Variants in SLC15A4 observed in about 807,000 individuals in gnomAD.
SLC15A4 encodes solute carrier family 15 member 4.
SLC15A4 carries 26 observed loss-of-function variants against 46.1 expected under a neutral mutation model. The observed-to-expected ratio is 0.56, with a 90% CI of 0.41 to 0.78. The LOEUF is 0.78. Among genes scored for constraint, SLC15A4 ranks in the 30% least tolerant of loss-of-function variants. The pLI is 0.00. For missense variants in SLC15A4, 751 were observed against 755.7 expected, an observed-to-expected ratio of 0.99 and a Z score of 0.07; for synonymous variants, 370 against 333.4, an observed-to-expected ratio of 1.11 and a Z score of -1.20.
intron 5 of SLC15A4, chr12:128,801,618 C>T (rs1332777388): frequency 6.6e-6 from 1 of 152,220 alleles, no homozygotes; most frequent in African/African-American, 2.4e-5. Context: ...TACTGGTCAC[C>T]TATCAAGTGT....
Position 128,799,250 on chromosome 12 carries a change from G to A in SLC15A4, c.1573+9C>T, listed in dbSNP as rs1263944132. The A allele has an allele frequency of 6.2e-7, 1 of 1,613,936 alleles. No individual in the cohort carries two copies. Among genetic ancestry groups the A allele is most frequent in the Non-Finnish European group, 8.5e-7 (1 of 1,179,982 alleles). ...CTATTTTCAAAAGGGACAGGATGCT[G>A]GCTCTTACCAAAGTCTGTGTGACTG... On this transcript the variant is annotated intron_variant, in intron 7 of 7. Transcript: ENST00000266771.
At chr12:128,811,621 C>A (rs541782336) in intron 2 of SLC15A4, among the ~76,000 whole-genome samples, 1 of 152,242 alleles carries the variant, frequency 6.6e-6, no homozygotes, top group African/African-American at 2.4e-5. Flanking sequence ...TACTTTCACT[C>A]GAAAACATTA....
Position 128,823,938 on chromosome 12 carries a change from C to T in SLC15A4, c.6G>A (p.Glu2=), listed in dbSNP as rs1955899177. 4 of 564,134 alleles carry T rather than the reference C, an allele frequency of 7.1e-6. No homozygotes were observed. The highest frequency in any genetic ancestry group is 8.9e-6 in the Non-Finnish European group (4 of 446,930). 34.9% of individuals were successfully genotyped at this position (564,134 alleles called of 1,614,324 possible). The change falls in exon 1 of 8, where the codon GAG becomes GAA. Residue 2 remains glutamate (E), a synonymous_variant. Transcript: ENST00000266771. The part of the protein sequence containing the change: M[E]GSGGGAGERA... ...GCTCGCCCGCACCGCCCCCAGAGCC[C>T]TCCATGCGACGCCGCCAGCTGCCTC...
intron 7 of SLC15A4, among the ~76,000 whole-genome samples, chr12:128,794,820 C>G (rs1955426708): frequency 6.6e-6 from 1 of 152,224 alleles, no homozygotes; most frequent in Non-Finnish European, 1.5e-5. Context: ...CCTCCTGTGA[C>G]TGCTAATCCC....
intron 1 of SLC15A4, among the ~76,000 whole-genome samples, chr12:128,822,885 G>A (rs1955868898): frequency 6.6e-6 from 1 of 151,736 alleles, no homozygotes; most frequent in Non-Finnish European, 1.5e-5. Flanking sequence ...GTCTCACTCT[G>A]TTACCCAAGC....
Position 128,800,936 on chromosome 12 carries a change from G to A in SLC15A4, c.1332C>T (p.Tyr444=). ...TINQTIGNVV[Y]HAADLSLWWQ... ...ACCACAGCGACAGATCGGCAGCATG[G>A]TAGACGACGTTGCCGATGGTCTGAT... The change falls in exon 6 of 8, where the codon TAC becomes TAT. Residue 444 remains tyrosine (Y), a synonymous_variant. Coordinates refer to ENST00000266771, the MANE Select transcript of SLC15A4 (RefSeq NM_145648.4). The A allele has an allele frequency of 1.9e-6, 3 of 1,614,168 alleles. No individual in the cohort carries two copies. The highest frequency in any genetic ancestry group is 1.1e-5 in the South Asian group (1 of 91,076).
At chr12:128,803,064 C>A (rs11059916) in intron 5 of SLC15A4, among the ~76,000 whole-genome samples, 81,228 of 151,930 alleles carry the variant, frequency 0.53, 22,412 homozygotes, top group Non-Finnish European at 0.62. Context: ...ACATGGCAAG[C>A]GGGCACCCAG....
At chr12:128,795,964 C>A (rs1162400190) in intron 7 of SLC15A4, among the ~76,000 whole-genome samples, 1 of 152,172 alleles carries the variant, frequency 6.6e-6, no homozygotes, top group Non-Finnish European at 1.5e-5. Flanking sequence ...TCAAGTTGCT[C>A]CATTTTCTGC....
In SLC15A4 at chr12:128,823,286, CG is replaced by C. The variant is rs1208485435; in HGVS notation, c.546+111del. On this transcript the variant is annotated intron_variant, in intron 1 of 7. Transcript: ENST00000266771. ...TCCTCGGCACTAGACAGAAGCCCCCCGGGGCAAGGGGCTCCCTCCGCGGTCA... is the reference window on the plus strand; with the variant it reads ...TCCTCGGCACTAGACAGAAGCCCCCCGGGCAAGGGGCTCCCTCCGCGGTCA... 4 of 1,076,508 alleles carry C rather than the reference CG, an allele frequency of 3.7e-6. No homozygotes were observed. In the East Asian group the frequency reaches 9.7e-5, roughly 26 times the overall value. The allele number at this position is 1,076,508 out of a possible 1,614,324, so 66.7% of individuals were successfully genotyped here. A position where few individuals can be genotyped will look rare whatever the true frequency, so the allele number is the denominator to read the frequency against.
rs770518556 is a variant in SLC15A4, at chr12:128,800,836, G to A, written c.1414+18C>T. The A allele has an allele frequency of 1.9e-5, 31 of 1,598,090 alleles. No individual in the cohort carries two copies. Among genetic ancestry groups the A allele is most frequent in the Non-Finnish European group, 2.4e-5 (28 of 1,172,078 alleles). On this transcript the variant is annotated intron_variant, in intron 6 of 7. Coordinates refer to ENST00000266771, the MANE Select transcript of SLC15A4 (RefSeq NM_145648.4). ...CTTGTGCCTGGACTCAGACACCTCC[G>A]GCACTAAAGGTCCTCACCTGCGATA... is the stretch of plus-strand genomic sequence containing the variant.
At chr12:128,819,032 C>G (rs973441917) in intron 1 of SLC15A4, among the ~76,000 whole-genome samples, 4 of 152,052 alleles carry the variant, frequency 2.6e-5, no homozygotes, top group Non-Finnish European at 4.4e-5. Context: ...AAAAAAATTC[C>G]AAATGTATAG....
Position 128,823,398 on chromosome 12 carries a change from CT to C in SLC15A4, c.545del (p.Gln182ArgfsTer29). On this transcript the variant is annotated frameshift_variant and splice_region_variant, in exon 1 of 8. Coordinates refer to ENST00000266771, the MANE Select transcript of SLC15A4 (RefSeq NM_145648.4). LOFTEE classifies it high-confidence loss of function. ...GACAGCGCGCGGGGGCGCGGCTCAC[CT>C]GGTCGGCGCCGAAGGGCGTGATGTT... ...KANITPFGAD[Q>X]VKDRGPEATR... is the part of the protein sequence containing the mutation. The C allele has an allele frequency of 7.0e-7, 1 of 1,426,476 alleles. No homozygotes were observed. The highest frequency in any genetic ancestry group is 9.1e-7 in the Non-Finnish European group (1 of 1,096,808). 88.4% of individuals were successfully genotyped at this position (1,426,476 alleles called of 1,614,324 possible).
intron 5 of SLC15A4, among the ~76,000 whole-genome samples, chr12:128,802,937 C>T (rs892328888): frequency 4.6e-5 from 7 of 152,264 alleles, no homozygotes; most frequent in South Asian, 2.1e-4. Context: ...CCCCCAGTCA[C>T]GAGCGAGGCG....
intron 7 of SLC15A4, among the ~76,000 whole-genome samples, chr12:128,795,054 A>G (rs1303563691): frequency 6.6e-6 from 1 of 152,124 alleles, no homozygotes; most frequent in Non-Finnish European, 1.5e-5. Flanking sequence ...GCGCCTGACT[A>G]TCTCTTTATC....
intron 7 of SLC15A4, among the ~76,000 whole-genome samples, 199 bp from the exon 8 acceptor site, chr12:128,794,555 G>A (rs553156876): frequency 2.6e-5 from 4 of 152,274 alleles, no homozygotes; most frequent in South Asian, 2.1e-4. Context: ...CAGATACATC[G>A]CCACCGGGGG....
At chr12:128,794,421 A>G (rs758378504) in intron 7 of SLC15A4, 65 bp from the exon 8 acceptor site, 594 of 1,492,308 alleles carry the variant, frequency 4.0e-4, no homozygotes, top group Middle Eastern at 5.5e-4. Flanking sequence ...TCAAGACTTT[A>G]CTATTTAATC....
In SLC15A4 at chr12:128,799,320, A is replaced by G; in HGVS notation, c.1512T>C (p.Ser504=). Residue 504 remains serine (S), a synonymous_variant, in exon 7 of 8, where the codon TCT becomes TCC. Coordinates refer to ENST00000266771, the MANE Select transcript of SLC15A4 (RefSeq NM_145648.4). ...FFSGVGSFVG[S]GLLALVSIKA... ...TGATAGACACCAGTGCCAGCAGTCCAGAACCCACGAACGACCCGACGCCAG... is the reference window on the plus strand; with the variant it reads ...TGATAGACACCAGTGCCAGCAGTCCGGAACCCACGAACGACCCGACGCCAG... 6.2e-7 allele frequency: 1 copy of G among 1,614,194 alleles called. No individual in the cohort carries two copies.
rs573923116 is a variant in SLC15A4 at position 128,818,596 on chromosome 12, T to C, written c.547-3526A>G. Among the ~76,000 whole-genome samples, 3 of 152,290 alleles carry C rather than the reference T, an allele frequency of 2.0e-5. No homozygotes were observed. In the South Asian group the frequency reaches 6.2e-4, roughly 32 times the overall value. On this transcript the variant is annotated intron_variant, in intron 1 of 7. Coordinates refer to ENST00000266771, the MANE Select transcript of SLC15A4 (RefSeq NM_145648.4). Reference sequence around the variant, plus strand: ...ACGGGCAAGCACCCTGGCATAAGGGTACTTTTCCCTTCAAATGTTTTTTCA... The same window carrying C: ...ACGGGCAAGCACCCTGGCATAAGGGCACTTTTCCCTTCAAATGTTTTTTCA...
At chr12:128,809,287 T>G (rs982334008) in intron 4 of SLC15A4, 109 bp downstream of exon 4, 7 of 722,514 alleles carry the variant, frequency 9.7e-6, no homozygotes, top group Non-Finnish European at 1.6e-5. Flanking sequence ...TAACAATGCT[T>G]TTGTGTCGGT....
Sources: gnomAD v4.1 joint callset for allele counts (sites outside exome capture counted in the v4.1 genomes callset) on GRCh38, gnomAD v4.1.1 for gene constraint, MANE v1.5 for transcripts, NCBI Gene and HGNC (gene_info 2026-07-23, HGNC 2026-07-21) for gene names.